The following SEMA6C variants were observed in gnomAD, a reference collection of about 807,000 sequenced individuals.
The protein encoded by SEMA6C is semaphorin-6C.
A neutral mutation model predicts 72.9 loss-of-function variants in SEMA6C; 37 were observed. The ratio of observed to expected loss-of-function variants is 0.51; its 90% CI spans 0.39 to 0.67. SEMA6C has a LOEUF of 0.67. Ranked by LOEUF, SEMA6C falls within the 30% of genes least tolerant of loss-of-function variation. SEMA6C has a pLI of 0.00. For missense variants in SEMA6C, 1,189 were observed against 1,263.6 expected, an observed-to-expected ratio of 0.94 and a Z score of 0.89; for synonymous variants, 578 against 554.1, an observed-to-expected ratio of 1.04 and a Z score of -0.61.
chr1:151,142,205 T>A (rs1238027617), intron 3 of SEMA6C, among the ~76,000 whole-genome samples: 1 of 152,044 alleles, frequency 6.6e-6, no homozygotes, highest in African/African-American at 2.4e-5. Context: ...TCCGGCTATT[T>A]TTTTTTGTAT....
At chr1:151,140,769 C>T (rs930020958) in intron 3 of SEMA6C, among the ~76,000 whole-genome samples, 10 of 152,148 alleles carry the variant, frequency 6.6e-5, no homozygotes, top group South Asian at 2.1e-4. Context: ...CCGAGGCGGG[C>T]GGATCACAAG....
intron 8 of SEMA6C, 22 bp downstream of exon 8, chr1:151,138,294 T>G (rs759048005): frequency 6.2e-7 from 1 of 1,612,248 alleles, no homozygotes; most frequent in Non-Finnish European, 8.5e-7. Context: ...CATGCTTTCT[T>G]CTCACATGCC....
Position 151,133,369 on chromosome 1 carries a change from C to A in SEMA6C, c.1908G>T (p.Arg636=). 2 of 1,600,542 alleles carry A rather than the reference C, an allele frequency of 1.2e-6. No individual in the cohort carries two copies. Among genetic ancestry groups the A allele is most frequent in the East Asian group, 2.2e-5 (1 of 44,572 alleles). ...SCACRRAHRR[R]GKDIETPGLP... is the part of the protein sequence containing the mutation. ...GCCCCGGAGTCTCGATGTCCTTGCC[C>A]CGACGTCGGTGGGCGCGGCGACAAG... Residue 636 remains arginine (R), a synonymous_variant, in exon 19 of 19, where the codon CGG becomes CGT. Coordinates refer to ENST00000368914, the MANE Select transcript of SEMA6C (RefSeq NM_030913.6). This position sits in a 1 kb window ranked among gnomAD's most constrained non-coding sequence, Gnocchi z 5.9.
intron 3 of SEMA6C, among the ~76,000 whole-genome samples, chr1:151,140,914 C>T (rs1020436334): frequency 1.9e-4 from 29 of 151,896 alleles, no homozygotes; most frequent in Non-Finnish European, 1.3e-4. Context: ...AGGAGAATGG[C>T]GTGAACCCAG....
intron 6 of SEMA6C, among the ~76,000 whole-genome samples, chr1:151,139,092 CA>C (rs887064091): frequency 4.4e-3 from 235 of 53,110 alleles, no homozygotes; most frequent in Non-Finnish European, 5.2e-3. Flanking sequence ...GACTCCGTCT[CA>C]AAAAAAAAAA....
Position 151,139,416 on chromosome 1 carries a change from A to T in SEMA6C, c.354+9T>A, listed in dbSNP as rs765022445. ...CTCCTTCCCTCCACATTCTCGTCTC[A>T]CTCCTTACCGTCAGCTTTCCCCGTA... On this transcript the variant is annotated intron_variant, in intron 6 of 18. Transcript: ENST00000368914. 4 of 1,612,334 alleles carry T rather than the reference A, an allele frequency of 2.5e-6. No individual in the cohort carries two copies. The highest frequency in any genetic ancestry group is 3.4e-6 in the Non-Finnish European group (4 of 1,178,490).
At chr1:151,139,047 C>T (rs587641214) in intron 6 of SEMA6C, among the ~76,000 whole-genome samples, 2 of 146,070 alleles carry the variant, frequency 1.4e-5, no homozygotes, top group Non-Finnish European at 3.0e-5. Flanking sequence ...GAGCCAAGAT[C>T]GTGCCATTGC....
chr1:151,134,916 C>T (rs970997092), intron 15 of SEMA6C, 41 bp from the exon 16 acceptor site: 2 of 1,565,482 alleles, frequency 1.3e-6, no homozygotes, highest in South Asian at 1.1e-5. Context: ...TCCCTTTCTA[C>T]TCCAGTCACT....
At position 151,132,841 on chromosome 1, in the gene SEMA6C, GTGGGGCCTGGGGC is replaced by G; in HGVS notation, c.2423_2435del (p.Ser808ThrfsTer7). 2 of 1,285,034 alleles carry G rather than the reference GTGGGGCCTGGGGC, an allele frequency of 1.6e-6. No homozygotes were observed. The highest frequency in any genetic ancestry group is 2.0e-6 in the Non-Finnish European group (2 of 1,017,372). The allele number at this position is 1,285,034 out of a possible 1,614,324, so 79.6% of individuals were successfully genotyped here. A position where few individuals can be genotyped will look rare whatever the true frequency, so the allele number is the denominator to read the frequency against. On this transcript the variant is annotated frameshift_variant, in exon 19 of 19. Transcript: ENST00000368914. LOFTEE classifies it low-confidence loss of function (END_TRUNC). ...CCAGCCTCAGCGGCGAGGCGCACTC[GTGGGGCCTGGGGC>G]TGGGGCCGCCCAAGAGGGCGGGGGC...
chr1:151,140,452 G>A (rs1223942827), intron 3 of SEMA6C, among the ~76,000 whole-genome samples: 4 of 152,336 alleles, frequency 2.6e-5, no homozygotes, highest in Non-Finnish European at 5.9e-5. Context: ...TCTTGGAACT[G>A]CCTTAGGGCT....
intron 17 of SEMA6C, 23 bp from the exon 18 acceptor site, chr1:151,134,468 A>G (rs1318647985): frequency 6.2e-7 from 1 of 1,608,380 alleles, no homozygotes; most frequent in Non-Finnish European, 8.5e-7. Flanking sequence ...GACAGGGTGA[A>G]GATGGGGGGA....
chr1:151,137,882 T>C lies in SEMA6C; in HGVS notation c.668-83A>G, dbSNP rs1030693826. On this transcript the variant is annotated intron_variant, in intron 9 of 18. Coordinates refer to ENST00000368914, the MANE Select transcript of SEMA6C (RefSeq NM_030913.6). ...TCCTGGCCCCACACCGCTCTCCCCA[T>C]TGCATACATACACACTACCACACCA... The C allele has an allele frequency of 7.6e-6, 12 of 1,580,036 alleles. No homozygotes were observed. The South Asian group carries it at 9.3e-5, about 12-fold the overall frequency.
At position 151,133,187 on chromosome 1, in the gene SEMA6C, C is replaced by A; in HGVS notation, c.2090G>T (p.Cys697Phe). 1 of 1,562,384 alleles carries A rather than the reference C, an allele frequency of 6.4e-7. No individual in the cohort carries two copies. ...PEGVPPPELA[C>F]LPTPESTPEL... Reference sequence around the variant, plus strand: ...CGGCGTGGACTCGGGGGTGGGCAGGCAGGCCAGCTCCGGCGGGGGCACGCC... The same window carrying A: ...CGGCGTGGACTCGGGGGTGGGCAGGAAGGCCAGCTCCGGCGGGGGCACGCC... Residue 697 changes from cysteine to phenylalanine, a missense_variant, in exon 19 of 19, where the codon TGC (cysteine) becomes TTC (phenylalanine). This residue lies in a region of SEMA6C where 721 missense variants were observed against 686.2 expected (regional missense o/e 1.05). Coordinates refer to ENST00000368914, the MANE Select transcript of SEMA6C (RefSeq NM_030913.6). The surrounding 1 kb of genome is among the most constrained non-coding windows in gnomAD (Gnocchi z 5.9).
In SEMA6C at chr1:151,133,443, C is replaced by T. The variant is rs757769530; in HGVS notation, c.1834G>A (p.Ala612Thr). The change falls in exon 19 of 19, where the codon GCA (alanine) becomes ACA (threonine). Residue 612 changes from alanine to threonine, a missense_variant. By Grantham distance (58) the Ala-to-Thr change is moderately conservative (BLOSUM62 0). Transcript: ENST00000368914. The surrounding 1 kb of genome is among the most constrained non-coding windows in gnomAD (Gnocchi z 5.9). ...PIPLLLASVA[A>T]AFALGASVSG... ...ACTGAGGCGCCCAGGGCAAAAGCTG[C>T]GGCCACACTGGCCAGGAGGAGTGGG... 20 of 1,573,024 alleles carry T rather than the reference C, an allele frequency of 1.3e-5. No individual in the cohort carries two copies. Among genetic ancestry groups the T allele is most frequent in the East Asian group, 2.3e-5 (1 of 43,312 alleles).
Position 151,132,051 on chromosome 1 carries a change from G to C in SEMA6C, c.*433C>G. ...TCCCCCGCCCGAGTGAAGTCAGGCAGTGGCTGCAGACACGGCTGTATTGGG... is the reference window on the plus strand; with the variant it reads ...TCCCCCGCCCGAGTGAAGTCAGGCACTGGCTGCAGACACGGCTGTATTGGG... On this transcript the variant is annotated 3_prime_UTR_variant, in exon 19 of 19. Coordinates refer to ENST00000368914, the MANE Select transcript of SEMA6C (RefSeq NM_030913.6). 1 of 465,012 alleles carries C rather than the reference G, an allele frequency of 2.2e-6. No homozygotes were observed. The highest frequency in any genetic ancestry group is 3.4e-6 in the Non-Finnish European group (1 of 293,774). 28.8% of individuals were successfully genotyped at this position (465,012 alleles called of 1,614,324 possible).
At position 151,131,841 on chromosome 1, in the gene SEMA6C, A is replaced by AT. The variant is rs1266603446; in HGVS notation, c.*642_*643insA. 3 of 170,198 alleles carry AT rather than the reference A, an allele frequency of 1.8e-5. No individual in the cohort carries two copies. Among genetic ancestry groups the AT allele is most frequent in the Non-Finnish European group, 2.6e-5 (2 of 78,104 alleles). The allele number at this position is 170,198 out of a possible 1,614,324, so 10.5% of individuals were successfully genotyped here. ...CCGAGGGCCTTCCCCAGCCTCAACTAAACTTTACCGGGGTCCCCCTGGCCC... is the reference window on the plus strand; with the variant it reads ...CCGAGGGCCTTCCCCAGCCTCAACTATAACTTTACCGGGGTCCCCCTGGCCC... On this transcript the variant is annotated 3_prime_UTR_variant, in exon 19 of 19. Coordinates refer to ENST00000368914, the MANE Select transcript of SEMA6C (RefSeq NM_030913.6).
At chr1:151,141,571 G>A (rs971822410) in intron 3 of SEMA6C, among the ~76,000 whole-genome samples, 2 of 151,930 alleles carry the variant, frequency 1.3e-5, no homozygotes, top group Non-Finnish European at 2.9e-5. Context: ...CACCAAGCCT[G>A]GCTAATTTTT....
rs587771170 is a variant in SEMA6C, at chr1:151,133,431, G to C, written c.1846C>G (p.Leu616Val). Reference sequence around the variant, plus strand: ...AGGAGGCCAGAGACTGAGGCGCCCAGGGCAAAAGCTGCGGCCACACTGGCC... The same window carrying C: ...AGGAGGCCAGAGACTGAGGCGCCCACGGCAAAAGCTGCGGCCACACTGGCC... ...LLASVAAAFA[L>V]GASVSGLLVS... Residue 616 changes from leucine to valine, a missense_variant, in exon 19 of 19, where the codon CTG becomes GTG. Physicochemically the swap from Leu to Val is conservative, Grantham distance 32 (BLOSUM62 1). Around this residue, in one of 2 missense-constraint regions of SEMA6C, gnomAD observed 721 missense variants for 686.2 expected, o/e 1.05. Coordinates refer to ENST00000368914, the MANE Select transcript of SEMA6C (RefSeq NM_030913.6). The surrounding 1 kb of genome is among the most constrained non-coding windows in gnomAD (Gnocchi z 5.9). 1.3e-6 allele frequency: 2 copies of C among 1,585,858 alleles called. No homozygotes were observed. The highest frequency in any genetic ancestry group is 3.4e-5 in the Admixed American group (2 of 58,002).
chr1:151,138,869 G>A (rs1682279981), intron 6 of SEMA6C, 138 bp from the exon 7 acceptor site: 1 of 675,684 alleles, frequency 1.5e-6, no homozygotes, highest in African/African-American at 1.8e-5. Flanking sequence ...AAGGTGGGCA[G>A]GTTGCCTGAG....
Sources: allele counts gnomAD v4.1 joint callset (sites outside exome capture counted in the v4.1 genomes callset), GRCh38; gene constraint gnomAD v4.1.1; regional missense constraint gnomAD v4.1.1; non-coding constraint Gnocchi (gnomAD v3.1); transcripts MANE v1.5; gene names NCBI Gene and HGNC (gene_info 2026-07-23, HGNC 2026-07-21).